LEPR: variants seen among roughly 807,000 people sequenced by gnomAD.
The protein encoded by LEPR is OB receptor.
LEPR carries 56 observed loss-of-function variants against 114.7 expected under a neutral mutation model. The observed-to-expected ratio is 0.49, with a 90% CI of 0.39 to 0.61. LEPR has a LOEUF of 0.61. LEPR is among the 20% of genes least tolerant of loss of function. The probability of loss-of-function intolerance (pLI) is 0.00; values close to 1 mark genes in which losing one functional copy is unlikely to be tolerated. For synonymous variants in LEPR, 443 were observed against 461.4 expected (o/e 0.96, Z 0.51); for missense variants, 1,202 against 1,352.9 (o/e 0.89, Z 1.75).
At chr1:65,487,568 A>G (rs961834317) in intron 2 of LEPR, among the ~76,000 whole-genome samples, 1 of 152,116 alleles carries the variant, frequency 6.6e-6, no homozygotes, top group Admixed American at 6.5e-5. Context: ...ACCAGAGTAA[A>G]GAAAAGTTGA....
chr1:65,503,796 T>TACAC (rs71584485), intron 2 of LEPR, among the ~76,000 whole-genome samples: 3,527 of 147,330 alleles, frequency 0.024, 66 homozygotes, highest in Non-Finnish European at 0.033. Context: ...TGAAGTTAGC[T>TACAC]ACACACACAC....
At chr1:65,480,901 T>G (rs946726129) in intron 2 of LEPR, among the ~76,000 whole-genome samples, 4 of 152,192 alleles carry the variant, frequency 2.6e-5, no homozygotes, top group African/African-American at 9.6e-5. Context: ...AAAAAATGTT[T>G]TGAACAACTA....
At chr1:65,434,403 T>C (rs945809559) in intron 2 of LEPR, 1 of 985,400 alleles carries the variant, frequency 1.0e-6, no homozygotes, top group African/African-American at 1.7e-5. Flanking sequence ...CTTCCAAAAT[T>C]GGCCACAAGT....
chr1:65,553,463 T>G (rs1370680922), intron 2 of LEPR, among the ~76,000 whole-genome samples: 2 of 152,134 alleles, frequency 1.3e-5, no homozygotes, highest in African/African-American at 2.4e-5. Flanking sequence ...TTTCATTAAG[T>G]TGATCTTCAA....
chr1:65,548,634 G>A (rs544003601), intron 2 of LEPR, among the ~76,000 whole-genome samples: 5 of 151,884 alleles, frequency 3.3e-5, no homozygotes, highest in East Asian at 1.9e-4. Flanking sequence ...TTGCAACCCC[G>A]GTCTTTTTTT....
intron 2 of LEPR, among the ~76,000 whole-genome samples, chr1:65,474,596 C>G (rs554336562): frequency 6.6e-6 from 1 of 152,276 alleles, no homozygotes; most frequent in South Asian, 2.1e-4. Context: ...TAGACTCATA[C>G]TTATTCACAG....
At position 65,619,967 on chromosome 1, in the gene LEPR, A is replaced by G; in HGVS notation, c.2435A>G (p.Tyr812Cys). 1 of 1,612,420 alleles carries G rather than the reference A, an allele frequency of 6.2e-7. No homozygotes were observed. The highest frequency in any genetic ancestry group is 8.5e-7 in the Non-Finnish European group (1 of 1,178,816). The change falls in exon 17 of 20, where the codon TAC becomes TGC. Residue 812 changes from tyrosine (Y) to cysteine (C), a missense_variant. Tyr to Cys is a radical substitution (Grantham distance 194, BLOSUM62 -2). Transcript: ENST00000349533. ...IPIEKYQFSL[Y>C]PIFMEGVGKP... is the part of the protein sequence containing the mutation. ...ATTGAGAAGTACCAGTTCAGTCTTT[A>G]CCCAATATTTATGGAAGGAGTGGGA... is the stretch of plus-strand genomic sequence containing the variant.
intron 5 of LEPR, among the ~76,000 whole-genome samples, chr1:65,573,855 G>A (rs963163348): frequency 5.3e-5 from 8 of 152,134 alleles, no homozygotes; most frequent in Non-Finnish European, 1.2e-4. Flanking sequence ...GCATAATAAC[G>A]TGAATGTATT....
intron 2 of LEPR, among the ~76,000 whole-genome samples, chr1:65,497,482 C>G (rs1042065763): frequency 2.0e-5 from 3 of 152,034 alleles, no homozygotes; most frequent in African/African-American, 7.2e-5. Context: ...CTTGAGCTGT[C>G]CAATAGTAAC....
At chr1:65,526,653 C>A (rs1051557163) in intron 2 of LEPR, among the ~76,000 whole-genome samples, 2 of 152,026 alleles carry the variant, frequency 1.3e-5, no homozygotes, top group African/African-American at 4.8e-5. Context: ...ATCAGAAAAT[C>A]TGAGTTTTGG....
At chr1:65,438,333 C>CT in intron 2 of LEPR, among the ~76,000 whole-genome samples, 1 of 151,706 alleles carries the variant, frequency 6.6e-6, no homozygotes, top group South Asian at 2.1e-4. Flanking sequence ...GGGCAGATTA[C>CT]GAGGTCAAGA....
At chr1:65,442,933 C>T (rs563671345) in intron 2 of LEPR, among the ~76,000 whole-genome samples, 2 of 152,198 alleles carry the variant, frequency 1.3e-5, no homozygotes, top group East Asian at 1.9e-4. Flanking sequence ...GAATCACTGA[C>T]CTAGAGGGAA....
intron 2 of LEPR, among the ~76,000 whole-genome samples, chr1:65,516,209 C>T (rs1040212621): frequency 2.6e-5 from 4 of 151,818 alleles, no homozygotes; most frequent in African/African-American, 4.8e-5. Context: ...CTGAGGCAGG[C>T]GGATCACAAG....
At chr1:65,492,654 C>T (rs1449573918) in intron 2 of LEPR, among the ~76,000 whole-genome samples, 1 of 151,838 alleles carries the variant, frequency 6.6e-6, no homozygotes, top group Non-Finnish European at 1.5e-5. Context: ...TCTAGGGTTA[C>T]TTCATATTAT....
intron 2 of LEPR, chr1:65,435,748 C>G: frequency 1.0e-6 from 1 of 984,660 alleles, no homozygotes; most frequent in Non-Finnish European, 1.2e-6. Flanking sequence ...CTAGCATTTT[C>G]CAAGCATAGT....
At position 65,558,544 on chromosome 1, in the gene LEPR, T is replaced by G. The variant is rs868155319; in HGVS notation, c.-20-7002T>G. 4.3e-4 allele frequency among the ~76,000 whole-genome samples: 14 copies of G among 32,334 alleles called. No homozygotes were observed. The South Asian group carries it at 6.8e-3, about 16-fold the overall frequency. 21.2% of individuals were successfully genotyped at this position (32,334 alleles called of 152,430 possible). On this transcript the variant is annotated intron_variant, in intron 2 of 19. Coordinates refer to ENST00000349533, the MANE Select transcript of LEPR (RefSeq NM_002303.6). The stretch of plus-strand genomic sequence containing the variant: ...ATCAGAAGTTTTTTTTTTTGTTTTT[T>G]TTTTGTTTTTTTTTTTTTTTATACT...
rs1391792894 is a variant in LEPR, at chr1:65,638,030, T to A, written c.*1015T>A. On this transcript the variant is annotated 3_prime_UTR_variant, in exon 20 of 20. Coordinates refer to ENST00000349533, the MANE Select transcript of LEPR (RefSeq NM_002303.6). ...CCTATACCCTACATAGCCATCAATT[T>A]AAAAAAACTGACTTGTAATCAAAAT... The A allele has an allele frequency of 6.6e-6, 1 of 152,158 alleles. No homozygotes were observed. The highest frequency in any genetic ancestry group is 1.5e-5 in the Non-Finnish European group (1 of 68,020). 9.4% of individuals were successfully genotyped at this position (152,158 alleles called of 1,614,324 possible).
chr1:65,636,601 A>AT lies in LEPR; in HGVS notation c.3085dup (p.Trp1029LeufsTer31). Reference sequence around the variant, plus strand: ...TGAAGGATTCTTTCTCTAATAGCTCATGGGAGATAGAGGCCCAGGCATTTT... The same window carrying AT: ...TGAAGGATTCTTTCTCTAATAGCTCATTGGGAGATAGAGGCCCAGGCATTTT... On this transcript the variant is annotated frameshift_variant, in exon 20 of 20. Coordinates refer to ENST00000349533, the MANE Select transcript of LEPR (RefSeq NM_002303.6). LOFTEE classifies it low-confidence loss of function (END_TRUNC). 1 of 1,614,058 alleles carries AT rather than the reference A, an allele frequency of 6.2e-7. No individual in the cohort carries two copies.
intron 2 of LEPR, among the ~76,000 whole-genome samples, chr1:65,521,495 C>T (rs1649635407): frequency 6.6e-6 from 1 of 152,160 alleles, no homozygotes; most frequent in African/African-American, 2.4e-5. Flanking sequence ...GCAGCCTAGC[C>T]ATACTGATAC....
Sources: gnomAD v4.1 joint callset for allele counts (sites outside exome capture counted in the v4.1 genomes callset) on GRCh38, gnomAD v4.1.1 for gene constraint, MANE v1.5 for transcripts, NCBI Gene and HGNC (gene_info 2026-07-23, HGNC 2026-07-21) for gene names.